The following CAP2 variants were observed in gnomAD, a reference collection of about 807,000 sequenced individuals.
CAP2 encodes cyclase associated actin cytoskeleton regulatory protein 2, also known as adenylyl cyclase-associated protein 2.
A neutral mutation model predicts 57.7 loss-of-function variants in CAP2; 24 were observed. That is an observed-to-expected ratio of 0.42 (90% confidence interval 0.30 to 0.58). The LOEUF (loss-of-function observed/expected upper bound fraction) is 0.58. CAP2 is among the 20% of genes least tolerant of loss of function. CAP2 has a pLI of 0.22. For missense variants in CAP2, 501 were observed against 590.3 expected (o/e 0.85, Z 1.57); for synonymous variants, 194 against 207.2 (o/e 0.94, Z 0.55).
chr6:17,491,401 C>T (rs995836905), intron 4 of CAP2, among the ~76,000 whole-genome samples: 2 of 152,172 alleles, frequency 1.3e-5, no homozygotes, highest in South Asian at 2.1e-4. Flanking sequence ...TATTCCATTT[C>T]GTCCAGCTAT....
intron 7 of CAP2, among the ~76,000 whole-genome samples, chr6:17,529,651 A>AATATATATAT (rs1554129488): frequency 5.2e-5 from 7 of 134,536 alleles, no homozygotes; most frequent in African/African-American, 1.8e-4. Context: ...AAAAAAAAAA[A>AATATATATAT]ATATATATAT....
rs200043141 is a variant in CAP2 at position 17,496,487 on chromosome 6, T to TTTTC, written c.301-10670_301-10667dup. On this transcript the variant is annotated intron_variant, in intron 4 of 12. Transcript: ENST00000229922. The stretch of plus-strand genomic sequence containing the variant: ...GGATGCATTGCTCTGTTTTGTTTTT[T>TTTTC]TTTCTTTCTTTCTTTTTTTGTAAAG... 5.7e-3 allele frequency among the ~76,000 whole-genome samples: 867 copies of TTTTC among 152,152 alleles called. 8 individuals are homozygous for TTTTC. The highest frequency in any genetic ancestry group is 0.02 in the African/African-American group (838 of 41,480).
chr6:17,495,356 C>G (rs79692744), intron 4 of CAP2, among the ~76,000 whole-genome samples: 3 of 152,038 alleles, frequency 2.0e-5, no homozygotes, highest in African/African-American at 4.8e-5. Flanking sequence ...CTCTCTTTAC[C>G]GATAATAGTG....
chr6:17,526,568 A>C (rs1762515447), intron 7 of CAP2, among the ~76,000 whole-genome samples: 2 of 152,206 alleles, frequency 1.3e-5, no homozygotes. Context: ...CAGGAAACAG[A>C]AGGTAGTATT....
intron 12 of CAP2, 136 bp from the exon 13 acceptor site, chr6:17,556,223 C>T (rs1763307461): frequency 3.1e-6 from 2 of 645,912 alleles, no homozygotes; most frequent in African/African-American, 3.6e-5. Context: ...CCCCATGACG[C>T]AGCTTGCAAT....
At chr6:17,463,966 C>A (rs1561792823) in intron 4 of CAP2, among the ~76,000 whole-genome samples, 1 of 152,276 alleles carries the variant, frequency 6.6e-6, no homozygotes, top group East Asian at 1.9e-4. Flanking sequence ...CAGAAGGAAT[C>A]AAATTGTGAG....
At chr6:17,547,458 G>A (rs1763071338) in intron 11 of CAP2, among the ~76,000 whole-genome samples, 3 of 151,728 alleles carry the variant, frequency 2.0e-5, no homozygotes, top group South Asian at 4.2e-4. Flanking sequence ...CAATGAAGAC[G>A]CATAGAAAAA....
At chr6:17,485,066 T>C (rs1303970862) in intron 4 of CAP2, among the ~76,000 whole-genome samples, 1 of 152,220 alleles carries the variant, frequency 6.6e-6, no homozygotes, top group Non-Finnish European at 1.5e-5. Flanking sequence ...TTTTGTGATG[T>C]TGGGGCGTTC....
intron 7 of CAP2, among the ~76,000 whole-genome samples, chr6:17,538,144 CT>C (rs1762816659): frequency 6.6e-6 from 1 of 152,020 alleles, no homozygotes. Context: ...GTTTTAAGTT[CT>C]GTGAAAATAT....
intron 7 of CAP2, among the ~76,000 whole-genome samples, chr6:17,528,252 T>C (rs1236821864): frequency 6.6e-6 from 1 of 152,222 alleles, no homozygotes; most frequent in Admixed American, 6.5e-5. Flanking sequence ...ATTTGACTAT[T>C]ACAATATTTT....
chr6:17,471,033 C>T (rs941197198), intron 4 of CAP2, among the ~76,000 whole-genome samples: 3 of 152,110 alleles, frequency 2.0e-5, no homozygotes, highest in African/African-American at 2.4e-5. Flanking sequence ...TTTACCATAA[C>T]GATAAGGTGT....
chr6:17,421,398 G>A (rs1353669614), intron 1 of CAP2, among the ~76,000 whole-genome samples, 157 bp from the exon 2 acceptor site: 2 of 152,122 alleles, frequency 1.3e-5, no homozygotes, highest in Admixed American at 1.3e-4. Flanking sequence ...AGATTAAAAA[G>A]CAACAATAAT....
At chr6:17,553,091 T>G (rs945932336) in intron 12 of CAP2, among the ~76,000 whole-genome samples, 1 of 151,994 alleles carries the variant, frequency 6.6e-6, no homozygotes, top group Non-Finnish European at 1.5e-5. Flanking sequence ...AGTCAAAAAT[T>G]GGAGGGAGCC....
intron 4 of CAP2, among the ~76,000 whole-genome samples, chr6:17,465,168 T>A (rs1418795116): frequency 6.6e-6 from 1 of 152,214 alleles, no homozygotes; most frequent in Admixed American, 6.5e-5. Flanking sequence ...TTCCCTTTCT[T>A]ACTCTACTGC....
intron 4 of CAP2, among the ~76,000 whole-genome samples, chr6:17,466,118 G>A (rs1414625881): frequency 1.3e-5 from 2 of 152,192 alleles, no homozygotes; most frequent in Non-Finnish European, 2.9e-5. Flanking sequence ...GATCCACCCA[G>A]TATGCATTCT....
At chr6:17,519,440 C>T (rs1270573078) in intron 7 of CAP2, among the ~76,000 whole-genome samples, 1 of 152,094 alleles carries the variant, frequency 6.6e-6, no homozygotes, top group Non-Finnish European at 1.5e-5. Context: ...GGAATCTTGT[C>T]ATTTCTATGA....
At chr6:17,398,110 C>G (rs1255064993) in intron 1 of CAP2, among the ~76,000 whole-genome samples, 1 of 152,156 alleles carries the variant, frequency 6.6e-6, no homozygotes, top group Non-Finnish European at 1.5e-5. Context: ...TAAAATTTCA[C>G]AACTCAATTT....
At chr6:17,448,166 C>T (rs1489663651) in intron 3 of CAP2, among the ~76,000 whole-genome samples, 5 of 152,216 alleles carry the variant, frequency 3.3e-5, no homozygotes, top group African/African-American at 1.2e-4. Flanking sequence ...CTTAGTGTCA[C>T]AGTGGATTCT....
intron 3 of CAP2, among the ~76,000 whole-genome samples, chr6:17,461,115 C>T (rs1470506643): frequency 6.6e-6 from 1 of 152,034 alleles, no homozygotes; most frequent in East Asian, 1.9e-4. Context: ...CACCACTGCA[C>T]TGCAGCCTGG....
Sources: allele counts gnomAD v4.1 joint callset (sites outside exome capture counted in the v4.1 genomes callset), GRCh38; gene constraint gnomAD v4.1.1; transcripts MANE v1.5; gene names NCBI Gene and HGNC (gene_info 2026-07-23, HGNC 2026-07-21).